ARHGEF38: variants seen among roughly 807,000 people sequenced by gnomAD.
ARHGEF38 encodes Rho guanine nucleotide exchange factor (GEF) 38.
In ARHGEF38, 79 loss-of-function variants were observed where a neutral mutation model predicts 79.9. The observed-to-expected ratio is 0.99, with a 90% CI of 0.82 to 1.19. The LOEUF (loss-of-function observed/expected upper bound fraction) is 1.19. ARHGEF38 is among the 50% of genes most tolerant of loss of function. The pLI, the probability that ARHGEF38 is intolerant of heterozygous loss-of-function variation, is 0.00. For synonymous variants in ARHGEF38, 366 were observed against 328.3 expected, an observed-to-expected ratio of 1.11 and a Z score of -1.24; for missense variants, 962 against 907.2, an observed-to-expected ratio of 1.06 and a Z score of -0.78.
At chr4:105,663,970 C>CAAAA (rs58428081) in intron 10 of ARHGEF38, among the ~76,000 whole-genome samples, 2 of 107,728 alleles carry the variant, frequency 1.9e-5, no homozygotes, top group Non-Finnish European at 4.3e-5. Context: ...AACTCCGTCT[C>CAAAA]AAAAAAAAAA....
At chr4:105,661,515 TA>T (rs1399494113) in intron 10 of ARHGEF38, among the ~76,000 whole-genome samples, 84 of 146,814 alleles carry the variant, frequency 5.7e-4, no homozygotes, top group African/African-American at 2.0e-3. Context: ...TTATTATTAT[TA>T]TTGTTATAGC....
chr4:105,669,221 A>G (rs1164476445), intron 13 of ARHGEF38, among the ~76,000 whole-genome samples: 3 of 152,136 alleles, frequency 2.0e-5, no homozygotes, highest in Non-Finnish European at 2.9e-5. Flanking sequence ...CCATGTAACA[A>G]TATATCTTAG....
intron 9 of ARHGEF38, among the ~76,000 whole-genome samples, chr4:105,656,550 A>C (rs1730334652): frequency 6.6e-6 from 1 of 152,212 alleles, no homozygotes; most frequent in Admixed American, 6.5e-5. Flanking sequence ...ACATTTTAGT[A>C]GTAAGTTACT....
At chr4:105,669,277 C>T (rs1213447926) in intron 13 of ARHGEF38, among the ~76,000 whole-genome samples, 1 of 152,082 alleles carries the variant, frequency 6.6e-6, no homozygotes, top group Non-Finnish European at 1.5e-5. Flanking sequence ...AAAAGCTCTA[C>T]ACAGTATTTA....
intron 1 of ARHGEF38, among the ~76,000 whole-genome samples, chr4:105,564,071 G>A (rs1362899936): frequency 6.6e-6 from 1 of 152,096 alleles, no homozygotes; most frequent in Non-Finnish European, 1.5e-5. Context: ...AAACTACATG[G>A]CTCCTTTGCT....
Position 105,667,317 on chromosome 4 carries a change from G to T in ARHGEF38, c.1878G>T (p.Val626=). ...TGGGGAGTACAAGCAGGTGGCTTGT[G>T]GACACAGGAAGTAAGTTTTTCCCCA... The part of the protein sequence containing the change: ...DPLGSTSRWL[V]DTGNVKGYVY... Residue 626 remains valine, a synonymous_variant, in exon 12 of 14, where the codon GTG becomes GTT. Coordinates refer to ENST00000420470, the MANE Select transcript of ARHGEF38 (RefSeq NM_001242729.2). 6.5e-7 allele frequency: 1 copy of T among 1,535,818 alleles called. No homozygotes were observed. The highest frequency in any genetic ancestry group is 2.0e-5 in the Admixed American group (1 of 50,954).
Position 105,596,741 on chromosome 4 carries a change from G to A in ARHGEF38, c.384+7306G>A, listed in dbSNP as rs1179588919. Among the ~76,000 whole-genome samples the A allele has an allele frequency of 3.3e-5, 5 of 152,252 alleles. No individual in the cohort carries two copies. The East Asian group carries it at 5.8e-4, about 18-fold the overall frequency. ...ACAACAGGAACTGCAGCTTCAGCAC[G>A]TCATGGGAATCTTCCTGAGTTCCAT... On this transcript the variant is annotated intron_variant, in intron 2 of 13. Coordinates refer to ENST00000420470, the MANE Select transcript of ARHGEF38 (RefSeq NM_001242729.2).
In ARHGEF38 at chr4:105,659,139, G is replaced by T; in HGVS notation, c.1319G>T (p.Arg440Leu). Residue 440 changes from arginine to leucine, a missense_variant, in exon 10 of 14, where the codon CGC (arginine) becomes CTC (leucine). Physicochemically the swap from Arg to Leu is moderately radical, Grantham distance 102. Coordinates refer to ENST00000420470, the MANE Select transcript of ARHGEF38 (RefSeq NM_001242729.2). Reference protein sequence around the residue: ...FPGPHKLIQKRYDKLLDCNSY... With the variant: ...FPGPHKLIQKLYDKLLDCNSY... ...GGGCCTCACAAGCTCATCCAGAAAC[G>T]CTATGACAAACTGCTGGATTGCAAC... 1 of 1,536,104 alleles carries T rather than the reference G, an allele frequency of 6.5e-7. No individual in the cohort carries two copies. Among genetic ancestry groups the T allele is most frequent in the Non-Finnish European group, 8.7e-7 (1 of 1,146,872 alleles).
intron 2 of ARHGEF38, among the ~76,000 whole-genome samples, chr4:105,601,840 C>T (rs1727835489): frequency 6.6e-6 from 1 of 152,120 alleles, no homozygotes; most frequent in Non-Finnish European, 1.5e-5. Context: ...CCCAAAATTC[C>T]GTATCTTCCT....
intron 2 of ARHGEF38, among the ~76,000 whole-genome samples, chr4:105,598,342 C>T (rs1727672931): frequency 6.6e-6 from 1 of 152,038 alleles, no homozygotes; most frequent in African/African-American, 2.4e-5. Context: ...CTGATAATTC[C>T]AAAGTAAAAG....
intron 10 of ARHGEF38, among the ~76,000 whole-genome samples, chr4:105,662,559 G>T (rs537226242): frequency 3.6e-4 from 54 of 152,054 alleles, no homozygotes; most frequent in Non-Finnish European, 6.9e-4. Context: ...ATCAATCCAT[G>T]TAGATTTTAT....
At position 105,667,535 on chromosome 4, in the gene ARHGEF38, T is replaced by A; in HGVS notation, c.1980T>A (p.Asp660Glu). ...KVDAENRFCD[D>E]DFENISLFVS... ...ATGCTGAGAACAGGTTCTGTGACGA[T>A]GATTTTGAGAACATCAGCCTCTTCG... The change falls in exon 13 of 14, where the codon GAT becomes GAA. Residue 660 changes from aspartate (D) to glutamate (E), a missense_variant. Asp to Glu is a conservative substitution (Grantham distance 45, BLOSUM62 2). Transcript: ENST00000420470. 6.5e-7 allele frequency: 1 copy of A among 1,536,596 alleles called. No individual in the cohort carries two copies.
chr4:105,621,490 CT>C, intron 3 of ARHGEF38, among the ~76,000 whole-genome samples: 1 of 152,294 alleles, frequency 6.6e-6, no homozygotes, highest in Admixed American at 6.5e-5. Context: ...GAGGGTGACT[CT>C]CTCCTTGGAG....
At chr4:105,632,815 C>G (rs1729250556) in intron 4 of ARHGEF38, 1 of 152,232 alleles carries the variant, frequency 6.6e-6, no homozygotes, top group African/African-American at 2.4e-5. Context: ...GCATGCGCTT[C>G]TAACTGTTCA....
chr4:105,637,796 G>A (rs1031450395), intron 5 of ARHGEF38, among the ~76,000 whole-genome samples: 3 of 152,102 alleles, frequency 2.0e-5, no homozygotes, highest in East Asian at 1.9e-4. Context: ...TTGCATGCAC[G>A]GACTTCTACA....
At chr4:105,636,480 C>T (rs1729402915) in intron 5 of ARHGEF38, 60 bp downstream of exon 5, 2 of 294,482 alleles carry the variant, frequency 6.8e-6, no homozygotes, top group Admixed American at 5.5e-5. Flanking sequence ...ATGCAGCTGA[C>T]TGTTCCTGTC....
intron 1 of ARHGEF38, among the ~76,000 whole-genome samples, chr4:105,561,112 G>A (rs1224753986): frequency 1.3e-5 from 2 of 152,118 alleles, no homozygotes; most frequent in African/African-American, 4.8e-5. Context: ...TAGAGGCAGG[G>A]TGTGGTGGCT....
At chr4:105,567,937 C>A (rs1726018661) in intron 1 of ARHGEF38, among the ~76,000 whole-genome samples, 1 of 133,942 alleles carries the variant, frequency 7.5e-6, no homozygotes, top group Non-Finnish European at 1.6e-5. Context: ...CCCCCCTCCC[C>A]CCACCCCACA....
chr4:105,578,433 G>T (rs1726610567), intron 1 of ARHGEF38, among the ~76,000 whole-genome samples: 1 of 152,026 alleles, frequency 6.6e-6, no homozygotes, highest in African/African-American at 2.4e-5. Flanking sequence ...ATATCTGTTA[G>T]GTCCATTTGT....
Sources: gnomAD v4.1 joint callset for allele counts (sites outside exome capture counted in the v4.1 genomes callset) on GRCh38, gnomAD v4.1.1 for gene constraint, MANE v1.5 for transcripts, NCBI Gene and HGNC (gene_info 2026-07-23, HGNC 2026-07-21) for gene names.